Variants in HHAT observed in about 807,000 individuals in gnomAD.
HHAT encodes hedgehog acyltransferase.
A neutral mutation model predicts 70.8 loss-of-function variants in HHAT; 47 were observed. The observed-to-expected ratio is 0.66, with a 90% CI of 0.53 to 0.85. The LOEUF (loss-of-function observed/expected upper bound fraction) is 0.85, where lower values mean the gene tolerates loss of function less well. HHAT is among the 40% of genes least tolerant of loss of function. HHAT has a pLI of 0.00. For missense variants in HHAT, 609 were observed against 604.8 expected, an observed-to-expected ratio of 1.01 and a Z score of -0.07; for synonymous variants, 228 against 247.6, an observed-to-expected ratio of 0.92 and a Z score of 0.74.
At chr1:210,435,950 G>C (rs2093365323) in intron 7 of HHAT, among the ~76,000 whole-genome samples, 1 of 151,770 alleles carries the variant, frequency 6.6e-6, no homozygotes, top group African/African-American at 2.4e-5. Context: ...TTGCTGTGCA[G>C]AAACTTTTTA....
chr1:210,534,067 A>G (rs534118447), intron 9 of HHAT, among the ~76,000 whole-genome samples: 13 of 152,280 alleles, frequency 8.5e-5, no homozygotes, highest in African/African-American at 3.1e-4. Flanking sequence ...GTGGAAGGAC[A>G]TCTTTCCATA....
chr1:210,631,091 G>A (rs974200061), intron 11 of HHAT: 2 of 456,568 alleles, frequency 4.4e-6, no homozygotes, highest in African/African-American at 4.0e-5. Context: ...CAGAGGTACT[G>A]GCTACCTTTG....
intron 11 of HHAT, among the ~76,000 whole-genome samples, chr1:210,653,098 C>A (rs879500443): frequency 6.6e-6 from 1 of 152,034 alleles, no homozygotes; most frequent in African/African-American, 2.4e-5. Context: ...CTGCAGAATT[C>A]TACTAAGCCA....
At chr1:210,499,081 T>C (rs2094705022) in intron 8 of HHAT, among the ~76,000 whole-genome samples, 1 of 152,128 alleles carries the variant, frequency 6.6e-6, no homozygotes, top group African/African-American at 2.4e-5. Flanking sequence ...GCAGTTTATT[T>C]TTATTTTTCC....
intron 10 of HHAT, among the ~76,000 whole-genome samples, chr1:210,607,858 A>C (rs887075267): frequency 6.6e-6 from 1 of 151,948 alleles, no homozygotes; most frequent in Non-Finnish European, 1.5e-5. Flanking sequence ...TAACAACCAC[A>C]CCCTGCTCAT....
chr1:210,628,191 G>T (rs1432847096), intron 11 of HHAT, among the ~76,000 whole-genome samples: 4 of 152,084 alleles, frequency 2.6e-5, no homozygotes, highest in Admixed American at 6.5e-5. Flanking sequence ...ATTCAAGGGG[G>T]GGTGTTTATA....
chr1:210,420,182 C>T (rs1456961860), intron 7 of HHAT, among the ~76,000 whole-genome samples: 1 of 152,106 alleles, frequency 6.6e-6, no homozygotes, highest in Non-Finnish European at 1.5e-5. Flanking sequence ...GTACTTTTAC[C>T]ACAGTTAAAT....
chr1:210,570,663 C>G (rs975696281), intron 9 of HHAT, among the ~76,000 whole-genome samples: 1 of 152,146 alleles, frequency 6.6e-6, no homozygotes, highest in Non-Finnish European at 1.5e-5. Context: ...GGGGGTCACC[C>G]TTGGCATACA....
Position 210,547,745 on chromosome 1 carries a change from C to T in HHAT, c.1043+34557C>T, listed in dbSNP as rs143153297. ...GAATTCAGACTTCCGAGTTTCCCTC[C>T]GCATAGCTTTAATTTATACATTTGA... On this transcript the variant is annotated intron_variant, in intron 9 of 11. Coordinates refer to ENST00000261458, the MANE Select transcript of HHAT (RefSeq NM_018194.6). Among the ~76,000 whole-genome samples, 693 of 152,248 alleles carry T rather than the reference C, an allele frequency of 4.6e-3. 4 individuals carry two copies. Among genetic ancestry groups the T allele is most frequent in the African/African-American group, 0.016 (667 of 41,528 alleles).
intron 3 of HHAT, among the ~76,000 whole-genome samples, chr1:210,386,242 T>C (rs1363998229): frequency 2.8e-5 from 3 of 106,066 alleles, no homozygotes; most frequent in East Asian, 4.8e-4. Flanking sequence ...TTTTTTTTTT[T>C]TTTTTTTTTT....
intron 11 of HHAT, among the ~76,000 whole-genome samples, chr1:210,636,987 G>A (rs1671983370): frequency 1.3e-5 from 2 of 152,066 alleles, no homozygotes; most frequent in Admixed American, 6.6e-5. Context: ...CTTGGACAAG[G>A]GACCTAACCT....
At chr1:210,472,597 A>G (rs2357592) in intron 8 of HHAT, among the ~76,000 whole-genome samples, 122,807 of 152,160 alleles carry the variant, frequency 0.81, 49,708 homozygotes, top group South Asian at 0.86. Context: ...AGTGATGGGA[A>G]TGGTTCAGTC....
At chr1:210,545,436 CTTT>C (rs71571956) in intron 9 of HHAT, among the ~76,000 whole-genome samples, 3 of 127,180 alleles carry the variant, frequency 2.4e-5, no homozygotes, top group Non-Finnish European at 4.8e-5. Flanking sequence ...CTTTTTTTTC[CTTT>C]TTTTTTTTTT....
At chr1:210,572,257 G>A (rs182608185) in intron 9 of HHAT, among the ~76,000 whole-genome samples, 2 of 152,328 alleles carry the variant, frequency 1.3e-5, no homozygotes, top group African/African-American at 4.8e-5. Context: ...ATTTGTCAGA[G>A]TGCGGATTTC....
At chr1:210,418,093 T>C (rs760776932) in intron 6 of HHAT, 61 bp from the exon 7 acceptor site, 30 of 1,508,992 alleles carry the variant, frequency 2.0e-5, no homozygotes, top group East Asian at 1.4e-4. Context: ...AAAAATCTTA[T>C]CTAAGGGACT....
At chr1:210,378,665 CT>C (rs145972867) in intron 3 of HHAT, among the ~76,000 whole-genome samples, 25 of 148,676 alleles carry the variant, frequency 1.7e-4, no homozygotes, top group African/African-American at 2.5e-4. Context: ...AAACATTTAT[CT>C]TTTTTTTTTG....
intron 11 of HHAT, among the ~76,000 whole-genome samples, chr1:210,632,443 G>A (rs1227657576): frequency 6.6e-6 from 1 of 152,160 alleles, no homozygotes. Context: ...AGATTGGTTG[G>A]ACCAGGTGTG....
At chr1:210,633,588 C>T (rs1349003132) in intron 11 of HHAT, among the ~76,000 whole-genome samples, 1 of 152,204 alleles carries the variant, frequency 6.6e-6, no homozygotes, top group Non-Finnish European at 1.5e-5. Flanking sequence ...AAAACAAAGC[C>T]AAACTTCCAG....
intron 9 of HHAT, among the ~76,000 whole-genome samples, chr1:210,560,846 A>C (rs558239636): frequency 0.048 from 6,952 of 145,270 alleles, 729 homozygotes; most frequent in African/African-American, 0.17. Context: ...AAAAAAAAAA[A>C]AAAAACCAGA....
Sources: allele counts gnomAD v4.1 joint callset (sites outside exome capture counted in the v4.1 genomes callset), GRCh38; gene constraint gnomAD v4.1.1; transcripts MANE v1.5; gene names NCBI Gene and HGNC (gene_info 2026-07-23, HGNC 2026-07-21).